The following MARCHF1 variants were observed in gnomAD, a reference collection of about 807,000 sequenced individuals.
MARCHF1 encodes the protein E3 ubiquitin-protein ligase MARCHF1.
A neutral mutation model predicts 54.2 loss-of-function variants in MARCHF1; 40 were observed. The observed-to-expected ratio is 0.74, with a 90% confidence interval of 0.57 to 0.96. MARCHF1 has a LOEUF of 0.96. Among genes scored for constraint, MARCHF1 ranks in the 40% least tolerant of loss-of-function variants. The pLI is 0.00. For missense variants in MARCHF1, 586 were observed against 656.5 expected (o/e 0.89, Z 1.17); for synonymous variants, 236 against 236.3 (o/e 1.00, Z 0.01).
At chr4:163,699,749 A>T (rs1744746575) in intron 5 of MARCHF1, among the ~76,000 whole-genome samples, 3 of 152,154 alleles carry the variant, frequency 2.0e-5, no homozygotes, top group Admixed American at 1.3e-4. Flanking sequence ...TATATTTTTG[A>T]AAGTCATTGT....
chr4:163,656,235 T>C (rs6536745), intron 5 of MARCHF1, among the ~76,000 whole-genome samples: 102,198 of 151,646 alleles, frequency 0.67, 34,802 homozygotes, highest in African/African-American at 0.78. Context: ...TCACCACTGA[T>C]ACCACAGAAC....
rs1553985882 is a variant in MARCHF1, at chr4:164,141,939, A to AGTGGGCGCAGTTCAGTGG, written c.-322-30278_-322-30277insCCACTGAACTGCGCCCAC. Among the ~76,000 whole-genome samples the AGTGGGCGCAGTTCAGTGG allele has an allele frequency of 2.9e-3, 436 of 151,112 alleles. 2 individuals carry two copies. The highest frequency in any genetic ancestry group is 4.3e-3 in the Non-Finnish European group (290 of 67,944). On this transcript the variant is annotated intron_variant, in intron 1 of 9. Coordinates refer to ENST00000514618, the MANE Select transcript of MARCHF1 (RefSeq NM_001394959.1). ...TTCATCTCACTAGGGAGTGCCAGAC[A>AGTGGGCGCAGTTCAGTGG]GTGGGCGCAGGTCAGTGGGTGGGCG...
At chr4:163,684,127 G>T (rs139570529) in intron 5 of MARCHF1, among the ~76,000 whole-genome samples, 1 of 152,146 alleles carries the variant, frequency 6.6e-6, no homozygotes, top group Non-Finnish European at 1.5e-5. Context: ...GAGCCACCAC[G>T]TAGTACCTCT....
intron 2 of MARCHF1, among the ~76,000 whole-genome samples, chr4:164,025,074 T>TA (rs754069193): frequency 9.3e-5 from 14 of 150,018 alleles, no homozygotes; most frequent in Non-Finnish European, 2.1e-4. Context: ...GCACCCAGAT[T>TA]AAAAACAAAA....
At chr4:164,358,104 A>G (rs2110914900) in intron 1 of MARCHF1, among the ~76,000 whole-genome samples, 1 of 152,274 alleles carries the variant, frequency 6.6e-6, no homozygotes, top group Non-Finnish European at 1.5e-5. Flanking sequence ...AAAAACTTAG[A>G]GCTTACATTA....
At chr4:164,161,403 C>T (rs543733989) in intron 1 of MARCHF1, among the ~76,000 whole-genome samples, 1 of 152,144 alleles carries the variant, frequency 6.6e-6, no homozygotes, top group Admixed American at 6.6e-5. Flanking sequence ...CCAATCAAAC[C>T]TCTTTTCTTT....
chr4:163,929,973 A>AATATCTTATATATAAATATAT (rs1560823848), intron 3 of MARCHF1, among the ~76,000 whole-genome samples: 1 of 125,396 alleles, frequency 8.0e-6, no homozygotes, highest in African/African-American at 3.1e-5. Context: ...AATATATATA[A>AATATCTTATATATAAATATAT]TATATATAAT....
chr4:163,766,479 T>C (rs1746980647), intron 4 of MARCHF1, among the ~76,000 whole-genome samples: 1 of 152,218 alleles, frequency 6.6e-6, no homozygotes, highest in Non-Finnish European at 1.5e-5. Context: ...GAAATATCTT[T>C]ATTCAAATAT....
intron 2 of MARCHF1, among the ~76,000 whole-genome samples, chr4:164,087,790 TG>T (rs1462316407): frequency 8.0e-6 from 1 of 125,666 alleles, no homozygotes; most frequent in South Asian, 2.7e-4. Flanking sequence ...ATTCCTTAAT[TG>T]ATAGCTTTTT....
chr4:163,763,891 G>A (rs557430288), intron 4 of MARCHF1, among the ~76,000 whole-genome samples: 20 of 152,040 alleles, frequency 1.3e-4, no homozygotes, highest in African/African-American at 4.3e-4. Context: ...TTGTAAATGT[G>A]TGTTTTTTTG....
rs182934675 is a variant in MARCHF1 at position 164,124,802 on chromosome 4, A to G, written c.-322-13140T>C. On this transcript the variant is annotated intron_variant, in intron 1 of 9. Coordinates refer to ENST00000514618, the MANE Select transcript of MARCHF1 (RefSeq NM_001394959.1). ...GGAAGGATAGTGGAGGGTGGAGGGT[A>G]AGTGGGGACAGTTAGTGTGCACTTT... is the stretch of plus-strand genomic sequence containing the variant. Among the ~76,000 whole-genome samples, 28 of 152,300 alleles carry G rather than the reference A, an allele frequency of 1.8e-4. 1 individual carries two copies. The highest frequency in any genetic ancestry group is 5.5e-4 in the African/African-American group (23 of 41,572).
chr4:164,039,700 A>G (rs1754084141), intron 2 of MARCHF1, among the ~76,000 whole-genome samples: 1 of 152,070 alleles, frequency 6.6e-6, no homozygotes, highest in African/African-American at 2.4e-5. Context: ...AAGCATAGAC[A>G]TGTCAACTTT....
At chr4:163,638,203 A>T (rs1742415850) in intron 5 of MARCHF1, among the ~76,000 whole-genome samples, 5 of 151,394 alleles carry the variant, frequency 3.3e-5, no homozygotes, top group South Asian at 2.1e-4. Context: ...GTAACTAACC[A>T]GCACAATGTG....
At chr4:163,763,915 A>C (rs933242491) in intron 4 of MARCHF1, among the ~76,000 whole-genome samples, 1 of 152,052 alleles carries the variant, frequency 6.6e-6, no homozygotes, top group African/African-American at 2.4e-5. Flanking sequence ...ATACAACTAC[A>C]AGGCTAAAGG....
At chr4:164,053,277 T>C (rs989763678) in intron 2 of MARCHF1, among the ~76,000 whole-genome samples, 5 of 152,270 alleles carry the variant, frequency 3.3e-5, no homozygotes, top group African/African-American at 1.2e-4. Flanking sequence ...TCTCACGGTT[T>C]TAAACTACAT....
At chr4:164,121,290 G>A (rs937240956) in intron 1 of MARCHF1, among the ~76,000 whole-genome samples, 1 of 152,008 alleles carries the variant, frequency 6.6e-6, no homozygotes, top group Admixed American at 6.6e-5. Flanking sequence ...AACCTGAACA[G>A]ACCTGTATTC....
chr4:163,838,241 G>A (rs925386384), intron 4 of MARCHF1, among the ~76,000 whole-genome samples: 11 of 152,074 alleles, frequency 7.2e-5, no homozygotes, highest in Admixed American at 4.6e-4. Context: ...AAATGGTTTA[G>A]TATTTGCATA....
chr4:164,274,039 T>C (rs1733809058), intron 1 of MARCHF1, among the ~76,000 whole-genome samples: 1 of 23,430 alleles, frequency 4.3e-5, no homozygotes, highest in Non-Finnish European at 2.5e-4. Context: ...AAATCACTAT[T>C]TTTTTTTTTG....
chr4:164,237,192 C>T (rs1732586371), intron 1 of MARCHF1, among the ~76,000 whole-genome samples: 1 of 152,190 alleles, frequency 6.6e-6, no homozygotes, highest in African/African-American at 2.4e-5. Flanking sequence ...TTTTATTTCC[C>T]TATCAGCCCC....
Sources: gnomAD v4.1 joint callset for allele counts (sites outside exome capture counted in the v4.1 genomes callset) on GRCh38, gnomAD v4.1.1 for gene constraint, MANE v1.5 for transcripts, NCBI Gene and HGNC (gene_info 2026-07-23, HGNC 2026-07-21) for gene names.